The following CACHD1 variants were observed in gnomAD, a reference collection of about 807,000 sequenced individuals.
CACHD1 encodes VWFA and cache domain-containing protein 1.
In CACHD1, 71 loss-of-function variants were observed where a neutral mutation model predicts 138.7. That is an observed-to-expected ratio of 0.51 (90% CI 0.42 to 0.62). The LOEUF is 0.62. CACHD1 is among the 20% of genes least tolerant of loss of function. The pLI, the probability that CACHD1 is intolerant of heterozygous loss-of-function variation, is 0.00. For missense variants in CACHD1, 1,389 were observed against 1,625.3 expected (o/e 0.85, Z 2.50); for synonymous variants, 578 against 591.5 (o/e 0.98, Z 0.33).
At chr1:64,610,163 C>T (rs1007558603) in intron 4 of CACHD1, among the ~76,000 whole-genome samples, 4 of 152,176 alleles carry the variant, frequency 2.6e-5, no homozygotes, top group Admixed American at 2.0e-4. Flanking sequence ...GGGTCCCTCC[C>T]ATGACACATG....
At chr1:64,605,113 C>G (rs1414175099) in intron 4 of CACHD1, among the ~76,000 whole-genome samples, 1 of 151,464 alleles carries the variant, frequency 6.6e-6, no homozygotes, top group East Asian at 1.9e-4. Context: ...ATTACAGACA[C>G]CCACCACCGA....
Position 64,681,277 on chromosome 1 carries a change from C to T in CACHD1, c.3426C>T (p.Ser1142=). 1 of 1,613,638 alleles carries T rather than the reference C, an allele frequency of 6.2e-7. No individual in the cohort carries two copies. The highest frequency in any genetic ancestry group is 8.5e-7 in the Non-Finnish European group (1 of 1,179,658). ...LAAQEMSVRM[S]NLENDRDERD... is the part of the protein sequence containing the mutation. ...GGGTAGAAATGTCAGTGCGTATGTCCAACCTGGAGAATGACAGAGATGAAA... is the reference window on the plus strand; with the variant it reads ...GGGTAGAAATGTCAGTGCGTATGTCTAACCTGGAGAATGACAGAGATGAAA... The change falls in exon 25 of 27, where the codon TCC becomes TCT. Residue 1142 remains serine (S), a synonymous_variant. Transcript: ENST00000651257.
intron 5 of CACHD1, among the ~76,000 whole-genome samples, chr1:64,630,892 A>G (rs906059812): frequency 6.6e-6 from 1 of 152,220 alleles, no homozygotes; most frequent in Non-Finnish European, 1.5e-5. Context: ...AATCTGCACT[A>G]ATTAGCCCTT....
At chr1:64,642,993 T>G (rs1648770352) in intron 8 of CACHD1, among the ~76,000 whole-genome samples, 1 of 124,540 alleles carries the variant, frequency 8.0e-6, no homozygotes, top group Non-Finnish European at 1.6e-5. Context: ...GAGCTGAGAT[T>G]GCAGCACTGC....
chr1:64,508,817 C>T (rs1434691610), intron 1 of CACHD1, among the ~76,000 whole-genome samples: 1 of 152,128 alleles, frequency 6.6e-6, no homozygotes, highest in African/African-American at 2.4e-5. Flanking sequence ...TACTCTTAAG[C>T]CCAAGACAAC....
rs1646506189 is a variant in CACHD1, at chr1:64,522,524, A to G, written c.199-28070A>G. On this transcript the variant is annotated intron_variant, in intron 1 of 26. Coordinates refer to ENST00000651257, the MANE Select transcript of CACHD1 (RefSeq NM_020925.4). ...GATTTTACCATGTTAGCCAGGCTTC[A>G]ACTCCTGACCTCAAGTGATCCGCCT... is the stretch of plus-strand genomic sequence containing the variant. 2.0e-5 allele frequency among the ~76,000 whole-genome samples: 3 copies of G among 151,370 alleles called. No homozygotes were observed. The Admixed American group carries it at 2.0e-4, about 10-fold the overall frequency.
rs775278934 is a variant in CACHD1, at chr1:64,575,394, G to A, written c.262-6762G>A. 5.3e-4 allele frequency among the ~76,000 whole-genome samples: 80 copies of A among 152,166 alleles called. 1 individual carries two copies. The highest frequency in any genetic ancestry group is 2.0e-4 in the Admixed American group (3 of 15,266). On this transcript the variant is annotated intron_variant, in intron 2 of 26. Coordinates refer to ENST00000651257, the MANE Select transcript of CACHD1 (RefSeq NM_020925.4). ...ATGAAACAATGAGAATATTTTCTAC[G>A]AAGAACTTCAGAATGCAGTGGTGTG...
At chr1:64,643,073 C>T (rs1195352228) in intron 8 of CACHD1, among the ~76,000 whole-genome samples, 1 of 97,334 alleles carries the variant, frequency 1.0e-5, no homozygotes, top group African/African-American at 4.0e-5. Flanking sequence ...AAAAAAAAAG[C>T]CATGTCTTGA....
intron 13 of CACHD1, among the ~76,000 whole-genome samples, chr1:64,660,869 A>G (rs1005328982): frequency 6.6e-6 from 1 of 152,194 alleles, no homozygotes; most frequent in African/African-American, 2.4e-5. Flanking sequence ...ATTTTAAATT[A>G]CATCTGTGGA....
intron 1 of CACHD1, among the ~76,000 whole-genome samples, chr1:64,523,818 A>G (rs1219555972): frequency 1.9e-5 from 1 of 53,972 alleles, no homozygotes; most frequent in East Asian, 6.0e-4. Flanking sequence ...GGGTCGAACG[A>G]TATTCTTTTC....
At chr1:64,647,351 T>C (rs1003649649) in intron 8 of CACHD1, among the ~76,000 whole-genome samples, 4 of 152,234 alleles carry the variant, frequency 2.6e-5, no homozygotes, top group African/African-American at 9.6e-5. Flanking sequence ...CAAGTGGTTT[T>C]ATAGGTGAAG....
In CACHD1 at chr1:64,676,855, G is replaced by A. The variant is rs199605021; in HGVS notation, c.2976-40G>A. The A allele has an allele frequency of 1.6e-4, 249 of 1,516,042 alleles. 1 individual carries two copies. The highest frequency in any genetic ancestry group is 4.3e-4 in the Middle Eastern group (2 of 4,676). The allele number at this position is 1,516,042 out of a possible 1,614,324, so 93.9% of individuals were successfully genotyped here. On this transcript the variant is annotated intron_variant, in intron 21 of 26. Transcript: ENST00000651257. Reference sequence around the variant, plus strand: ...CCAGGAGCATGAGTTTGGAATGTGGGCGGTGGTCGTCTTAACCTCCAGACT... The same window carrying A: ...CCAGGAGCATGAGTTTGGAATGTGGACGGTGGTCGTCTTAACCTCCAGACT...
At chr1:64,509,430 C>T (rs987952546) in intron 1 of CACHD1, among the ~76,000 whole-genome samples, 2 of 152,246 alleles carry the variant, frequency 1.3e-5, no homozygotes, top group Middle Eastern at 3.4e-3. Context: ...CTTTCTTTGG[C>T]TTCAGCCACT....
intron 2 of CACHD1, among the ~76,000 whole-genome samples, chr1:64,576,472 CAG>C (rs564073995): frequency 1.8e-3 from 273 of 149,690 alleles, no homozygotes; most frequent in Non-Finnish European, 3.3e-3. Flanking sequence ...GGCGTGCTAA[CAG>C]AGATTCCTTT....
At chr1:64,508,441 G>A (rs989717244) in intron 1 of CACHD1, among the ~76,000 whole-genome samples, 1 of 152,152 alleles carries the variant, frequency 6.6e-6, no homozygotes, top group Non-Finnish European at 1.5e-5. Context: ...GATTTAGCAG[G>A]GGCTATGAGA....
At chr1:64,677,180 G>A (rs774301724) in intron 22 of CACHD1, among the ~76,000 whole-genome samples, 169 bp downstream of exon 22, 75 of 152,036 alleles carry the variant, frequency 4.9e-4, no homozygotes, top group Non-Finnish European at 9.7e-4. Context: ...CGTATTTAGC[G>A]TGTGTACCAT....
At chr1:64,487,924 AAATAT>A (rs1646252801) in intron 1 of CACHD1, among the ~76,000 whole-genome samples, 1 of 152,228 alleles carries the variant, frequency 6.6e-6, no homozygotes, top group South Asian at 2.1e-4. Flanking sequence ...TACAGCTTCA[AAATAT>A]AATATGTTTT....
chr1:64,517,782 C>T (rs1233699825), intron 1 of CACHD1, among the ~76,000 whole-genome samples: 2 of 152,182 alleles, frequency 1.3e-5, no homozygotes, highest in African/African-American at 4.8e-5. Context: ...GACAGTGTAG[C>T]ACCTTTACCC....
chr1:64,663,553 A>G, intron 13 of CACHD1, 142 bp from the exon 14 acceptor site: 2 of 971,874 alleles, frequency 2.1e-6, no homozygotes, highest in East Asian at 3.3e-5. Flanking sequence ...TCCATCTGAA[A>G]AAAAAAAAAA....
Sources: allele counts gnomAD v4.1 joint callset (sites outside exome capture counted in the v4.1 genomes callset), GRCh38; gene constraint gnomAD v4.1.1; transcripts MANE v1.5; gene names NCBI Gene and HGNC (gene_info 2026-07-23, HGNC 2026-07-21).